EIF4B: variants seen among roughly 807,000 people sequenced by gnomAD.
EIF4B encodes the protein eukaryotic translation initiation factor 4B.
Under a neutral mutation model 79.3 loss-of-function variants are expected in EIF4B, and 8 were observed. That is an observed-to-expected ratio of 0.10 (90% CI 0.06 to 0.18). The LOEUF (loss-of-function observed/expected upper bound fraction) is 0.18, where lower values mean the gene tolerates loss of function less well. Among genes scored for constraint, EIF4B ranks in the 10% least tolerant of loss-of-function variants. The pLI, the probability that EIF4B is intolerant of heterozygous loss-of-function variation, is 1.00. For missense variants in EIF4B, 515 were observed against 792.4 expected (o/e 0.65, Z 4.20); for synonymous variants, 238 against 274.7 (o/e 0.87, Z 1.32).
At chr12:53,037,931 T>A (rs1050579558) in intron 11 of EIF4B, 4 of 372,156 alleles carry the variant, frequency 1.1e-5, no homozygotes, top group Non-Finnish European at 2.0e-5. Flanking sequence ...CTTCCTTTCA[T>A]TTCTCTTAAG....
intron 8 of EIF4B, among the ~76,000 whole-genome samples, chr12:53,030,009 T>C (rs10876397): frequency 0.81 from 121,748 of 151,238 alleles, 51,108 homozygotes; most frequent in Non-Finnish European, 0.93. Flanking sequence ...ATCACTTGAG[T>C]CCAGGAGTTC....
chr12:53,034,956 C>CTTTTTTTTTTTTTTTTTTTTT (rs72498436), intron 10 of EIF4B, among the ~76,000 whole-genome samples: 1 of 90,156 alleles, frequency 1.1e-5, no homozygotes, highest in Non-Finnish European at 2.2e-5. Context: ...TTGTCTCTCT[C>CTTTTTTTTTTTTTTTTTTTTT]TTTTTTTTTT....
At chr12:53,007,159 C>T (rs1457422923) in intron 1 of EIF4B, among the ~76,000 whole-genome samples, 1 of 152,066 alleles carries the variant, frequency 6.6e-6, no homozygotes, top group South Asian at 2.1e-4. Flanking sequence ...GAGTGTGGGC[C>T]CTGTGCCTGT....
chr12:53,017,077 A>C (rs1943160363), intron 2 of EIF4B, among the ~76,000 whole-genome samples: 1 of 152,110 alleles, frequency 6.6e-6, no homozygotes, highest in East Asian at 1.9e-4. Flanking sequence ...ACATGGTGAA[A>C]ACCCATCTCT....
At chr12:53,007,606 C>G (rs1010041084) in intron 1 of EIF4B, among the ~76,000 whole-genome samples, 1 of 152,000 alleles carries the variant, frequency 6.6e-6, no homozygotes, top group Non-Finnish European at 1.5e-5. Context: ...GACCCAACAT[C>G]TTGTAGCATT....
At position 53,034,020 on chromosome 12, in the gene EIF4B, A is replaced by G; in HGVS notation, c.1194A>G (p.Arg398=). The change falls in exon 9 of 15, where the codon CGA becomes CGG. Residue 398 remains arginine (R), a synonymous_variant. Transcript: ENST00000262056. Reference sequence around the variant, plus strand: ...AGCTGGATGAGCCAAAACTAGAACGACGGCCTCGGGAGAGGTGTGTTGTCT... The same window carrying G: ...AGCTGGATGAGCCAAAACTAGAACGGCGGCCTCGGGAGAGGTGTGTTGTCT... ...QRQLDEPKLE[R]RPRERHPSWR... The G allele has an allele frequency of 1.9e-6, 3 of 1,611,758 alleles. No individual in the cohort carries two copies. The highest frequency in any genetic ancestry group is 2.5e-6 in the Non-Finnish European group (3 of 1,178,808).
intron 1 of EIF4B, among the ~76,000 whole-genome samples, chr12:53,009,368 AC>A (rs1943023478): frequency 1.3e-5 from 2 of 152,112 alleles, no homozygotes; most frequent in South Asian, 4.1e-4. Context: ...CACTAAAAAT[AC>A]AAAAATTAGC....
At chr12:53,016,021 G>A (rs1268200921) in intron 1 of EIF4B, among the ~76,000 whole-genome samples, 2 of 151,048 alleles carry the variant, frequency 1.3e-5, no homozygotes, top group African/African-American at 2.4e-5. Context: ...TTCCCTATAT[G>A]GTTTGTTTAC....
Position 53,006,491 on chromosome 12 carries a change from C to T in EIF4B, c.8C>T (p.Ala3Val), listed in dbSNP as rs1942961776. 1.2e-6 allele frequency: 2 copies of T among 1,613,626 alleles called. No homozygotes were observed. Among genetic ancestry groups the T allele is most frequent in the Non-Finnish European group, 1.7e-6 (2 of 1,180,028 alleles). Residue 3 changes from alanine (A) to valine (V), a missense_variant, in exon 1 of 15, where the codon GCC (alanine) becomes GTC (valine). Physicochemically the swap from Ala to Val is moderately conservative, Grantham distance 64. Transcript: ENST00000262056. ...CTCTTTCCCTCTCCCAACATGGCGG[C>T]CTCAGGTGAGCGAGCAGCCGAGCGC... Reference protein sequence around the residue: MAASAKKKNKKGK... With the variant: MAVSAKKKNKKGK...
At chr12:53,026,531 AG>A (rs1478726761) in intron 6 of EIF4B, among the ~76,000 whole-genome samples, 1 of 152,248 alleles carries the variant, frequency 6.6e-6, no homozygotes, top group Non-Finnish European at 1.5e-5. Context: ...TTGGTCAAGA[AG>A]GGTATACATG....
At chr12:53,027,636 C>T (rs1175997523) in intron 6 of EIF4B, 146 bp from the exon 7 acceptor site, 2 of 1,374,014 alleles carry the variant, frequency 1.5e-6, no homozygotes, top group Non-Finnish European at 2.0e-6. Flanking sequence ...AGCTGAGCAA[C>T]AATTATTTCA....
At chr12:53,019,573 T>G (rs1943214113) in intron 3 of EIF4B, among the ~76,000 whole-genome samples, 1 of 146,524 alleles carries the variant, frequency 6.8e-6, no homozygotes, top group Non-Finnish European at 1.5e-5. Context: ...ACTATGTTGG[T>G]CAGGCTGGTC....
chr12:53,027,212 C>G (rs1943352096), intron 6 of EIF4B, among the ~76,000 whole-genome samples: 1 of 141,728 alleles, frequency 7.1e-6, no homozygotes, highest in Non-Finnish European at 1.5e-5. Flanking sequence ...GATCTCAGCG[C>G]AACCTCCGCC....
chr12:53,022,675 A>G, intron 6 of EIF4B, 48 bp downstream of exon 6: 2 of 1,587,732 alleles, frequency 1.3e-6, no homozygotes, highest in Non-Finnish European at 1.7e-6. Context: ...TTGGGAGGCT[A>G]TTTAGTAATA....
intron 1 of EIF4B, chr12:53,012,374 G>A (rs1196045883): frequency 2.6e-5 from 4 of 152,006 alleles, no homozygotes; most frequent in Non-Finnish European, 5.9e-5. Context: ...GACCAACATG[G>A]AGAAACCCCA....
intron 2 of EIF4B, 125 bp from the exon 3 acceptor site, chr12:53,018,673 C>CT: frequency 2.9e-6 from 3 of 1,041,926 alleles, no homozygotes; most frequent in Non-Finnish European, 4.2e-6. Context: ...TGAACCCCCA[C>CT]TTTTTTTGGT....
rs71095967 is a variant in EIF4B, at chr12:53,027,137, A to ATTTTTTTTTTTTTTTTTTTTTTTT, written c.668-625_668-624insTTTTTTTTTTTTTTTTTTTTTTTT. 2.3e-4 allele frequency among the ~76,000 whole-genome samples: 6 copies of ATTTTTTTTTTTTTTTTTTTTTTTT among 25,742 alleles called. 1 individual carries two copies. Among genetic ancestry groups the ATTTTTTTTTTTTTTTTTTTTTTTT allele is most frequent in the African/African-American group, 4.1e-4 (5 of 12,230 alleles). The allele number at this position is 25,742 out of a possible 152,430, so 16.9% of individuals were successfully genotyped here. A position where few individuals can be genotyped will look rare whatever the true frequency, so the allele number is the denominator to read the frequency against. ...AGACTGTCTCTCAAAAAAAAAAAAA[A>ATTTTTTTTTTTTTTTTTTTTTTTT]TTTTTTTTTTTTTTTTTTTTGAGAC... On this transcript the variant is annotated intron_variant, in intron 6 of 14. Transcript: ENST00000262056.
intron 8 of EIF4B, among the ~76,000 whole-genome samples, chr12:53,033,160 T>G (rs953239944): frequency 3.5e-5 from 5 of 144,584 alleles, no homozygotes; most frequent in Non-Finnish European, 6.1e-5. Context: ...GCTGGGATTA[T>G]AGGCATGCAC....
chr12:53,027,964 T>C (rs1183260540), intron 7 of EIF4B, 45 bp downstream of exon 7: 7 of 1,225,268 alleles, frequency 5.7e-6, no homozygotes, highest in Admixed American at 5.7e-5. Flanking sequence ...AACTTTGCCT[T>C]TTTTTTTTCC....
Sources: gnomAD v4.1 joint callset for allele counts (sites outside exome capture counted in the v4.1 genomes callset) on GRCh38, gnomAD v4.1.1 for gene constraint, MANE v1.5 for transcripts, NCBI Gene and HGNC (gene_info 2026-07-23, HGNC 2026-07-21) for gene names.